PDE4D: variants seen among roughly 807,000 people sequenced by gnomAD.
PDE4D encodes 3',5'-cyclic-AMP phosphodiesterase 4D.
A neutral mutation model predicts 87.4 loss-of-function variants in PDE4D; 24 were observed. The ratio of observed to expected loss-of-function variants is 0.27; its 90% CI spans 0.20 to 0.39. The LOEUF (loss-of-function observed/expected upper bound fraction) is 0.39, where lower values mean the gene tolerates loss of function less well. Among genes scored for constraint, PDE4D ranks in the 10% least tolerant of loss-of-function variants. The probability of loss-of-function intolerance (pLI) is 1.00; values close to 1 mark genes in which losing one functional copy is unlikely to be tolerated. For synonymous variants in PDE4D, 384 were observed against 383.2 expected, an observed-to-expected ratio of 1.00 and a Z score of -0.02; for missense variants, 714 against 1,041.0, an observed-to-expected ratio of 0.69 and a Z score of 4.32.
intron 1 of PDE4D, among the ~76,000 whole-genome samples, chr5:59,439,083 G>C (rs1797201344): frequency 6.6e-6 from 1 of 152,182 alleles, no homozygotes; most frequent in African/African-American, 2.4e-5. Context: ...TTGGGGCTGG[G>C]TGCAGTGGCT....
intron 2 of PDE4D, among the ~76,000 whole-genome samples, chr5:60,143,799 G>T (rs962275898): frequency 6.6e-6 from 1 of 151,982 alleles, no homozygotes; most frequent in Non-Finnish European, 1.5e-5. Context: ...AAGACTATTT[G>T]CTACATTTAT....
chr5:60,097,622 C>G (rs1401529804), intron 2 of PDE4D, among the ~76,000 whole-genome samples: 1 of 151,896 alleles, frequency 6.6e-6, no homozygotes, highest in Non-Finnish European at 1.5e-5. Context: ...AGACTGATAC[C>G]TTGCTTGCTC....
At chr5:59,300,688 C>A (rs186746550) in intron 1 of PDE4D, among the ~76,000 whole-genome samples, 152 of 152,132 alleles carry the variant, frequency 1.0e-3, no homozygotes, top group Middle Eastern at 3.4e-3. Context: ...GTTTCCCCCC[C>A]ACACCAAGCA....
intron 1 of PDE4D, among the ~76,000 whole-genome samples, chr5:60,474,149 T>TATATAA (rs1212803987): frequency 2.1e-5 from 2 of 94,408 alleles, no homozygotes; most frequent in African/African-American, 6.9e-5. Flanking sequence ...TATATATATA[T>TATATAA]AACAAAAACC....
intron 1 of PDE4D, chr5:60,431,071 T>C (rs1236758147): frequency 3.2e-5 from 8 of 246,796 alleles, no homozygotes; most frequent in Non-Finnish European, 4.8e-5. Context: ...ACCTCCCAGA[T>C]GGGGTGGTGG....
chr5:59,631,787 A>T (rs1194643481), intron 1 of PDE4D, among the ~76,000 whole-genome samples: 1 of 152,170 alleles, frequency 6.6e-6, no homozygotes, highest in African/African-American at 2.4e-5. Context: ...CTATACCACA[A>T]GGGCTCTGGG....
At chr5:59,934,256 A>G (rs1191099213) in intron 3 of PDE4D, among the ~76,000 whole-genome samples, 1 of 152,142 alleles carries the variant, frequency 6.6e-6, no homozygotes, top group Admixed American at 6.5e-5. Context: ...ACAGTAACAA[A>G]AGAGGGGAAA....
chr5:60,119,911 C>A (rs775471455), intron 2 of PDE4D, among the ~76,000 whole-genome samples: 1 of 152,018 alleles, frequency 6.6e-6, no homozygotes, highest in African/African-American at 2.4e-5. Flanking sequence ...ATACATGGGA[C>A]CTGAAGCCAC....
chr5:59,298,152 T>C (rs1769461599), intron 1 of PDE4D, among the ~76,000 whole-genome samples: 1 of 143,952 alleles, frequency 6.9e-6, no homozygotes, highest in Admixed American at 7.2e-5. Flanking sequence ...AGTGTCACTC[T>C]GTTGTCTAGG....
At chr5:59,676,082 T>C (rs978739978) in intron 1 of PDE4D, among the ~76,000 whole-genome samples, 10 of 142,402 alleles carry the variant, frequency 7.0e-5, no homozygotes, top group Admixed American at 4.1e-4. Flanking sequence ...GGGATCAAGA[T>C]ATATGTATAT....
At chr5:60,440,534 G>A (rs560573000) in intron 1 of PDE4D, among the ~76,000 whole-genome samples, 1 of 152,138 alleles carries the variant, frequency 6.6e-6, no homozygotes, top group South Asian at 2.1e-4. Context: ...GTCTATTTGA[G>A]GTTCATTTGA....
chr5:60,183,354 A>G (rs962534013), intron 2 of PDE4D, among the ~76,000 whole-genome samples: 1 of 152,204 alleles, frequency 6.6e-6, no homozygotes, highest in Non-Finnish European at 1.5e-5. Context: ...TCAACTTACG[A>G]ATGAGCACAA....
intron 3 of PDE4D, among the ~76,000 whole-genome samples, chr5:59,186,045 G>C (rs1183679140): frequency 6.6e-6 from 1 of 152,166 alleles, no homozygotes; most frequent in Admixed American, 6.5e-5. Flanking sequence ...AAGGTTCCTA[G>C]AGCCTTATCT....
intron 2 of PDE4D, among the ~76,000 whole-genome samples, chr5:60,038,027 A>C (rs1214016893): frequency 1.3e-5 from 2 of 152,122 alleles, no homozygotes; most frequent in Non-Finnish European, 2.9e-5. Context: ...AATCCATTAA[A>C]AAATATAGAT....
intron 5 of PDE4D, among the ~76,000 whole-genome samples, chr5:59,101,067 C>T (rs565486690): frequency 1.6e-4 from 25 of 152,206 alleles, no homozygotes; most frequent in Non-Finnish European, 2.2e-4. Context: ...CCTTGGACTC[C>T]AAGAGTTTGG....
intron 6 of PDE4D, among the ~76,000 whole-genome samples, chr5:58,995,262 TG>T (rs1748949929): frequency 6.6e-6 from 1 of 152,172 alleles, no homozygotes; most frequent in Non-Finnish European, 1.5e-5. Context: ...AAATCCCCAC[TG>T]CTGGAAGATA....
chr5:60,514,420 T>C (rs1750704850), intron 1 of PDE4D, among the ~76,000 whole-genome samples: 1 of 152,080 alleles, frequency 6.6e-6, no homozygotes, highest in Non-Finnish European at 1.5e-5. Context: ...AGAACTCTCT[T>C]ACATGTGACA....
intron 1 of PDE4D, among the ~76,000 whole-genome samples, chr5:60,213,801 C>T (rs1743533545): frequency 2.0e-5 from 3 of 152,130 alleles, no homozygotes; most frequent in South Asian, 4.1e-4. Flanking sequence ...CCCTCTGGCC[C>T]TCAATTGCCC....
At chr5:59,877,611 T>G (rs542473791) in intron 1 of PDE4D, among the ~76,000 whole-genome samples, 2 of 151,868 alleles carry the variant, frequency 1.3e-5, no homozygotes, top group South Asian at 4.2e-4. Flanking sequence ...AAGAGCAGCC[T>G]GGGCAACACG....
Sources: allele counts gnomAD v4.1 joint callset (sites outside exome capture counted in the v4.1 genomes callset), GRCh38; gene constraint gnomAD v4.1.1; transcripts MANE v1.5; gene names NCBI Gene and HGNC (gene_info 2026-07-23, HGNC 2026-07-21).